The following PAPPA2 variants were observed in gnomAD, a reference collection of about 807,000 sequenced individuals.
PAPPA2 encodes pappalysin 2, also known as pappalysin-2.
A neutral mutation model predicts 176.4 loss-of-function variants in PAPPA2; 86 were observed. That is an observed-to-expected ratio of 0.49 (90% confidence interval 0.41 to 0.58). The LOEUF (loss-of-function observed/expected upper bound fraction) is 0.58, where lower values mean the gene tolerates loss of function less well. Among genes scored for constraint, PAPPA2 ranks in the 20% least tolerant of loss-of-function variants. The pLI, the probability that PAPPA2 is intolerant of heterozygous loss-of-function variation, is 0.00. For missense variants in PAPPA2, 2,073 were observed against 2,256.9 expected, an observed-to-expected ratio of 0.92 and a Z score of 1.65; for synonymous variants, 809 against 852.2, an observed-to-expected ratio of 0.95 and a Z score of 0.88.
At chr1:176,781,365 C>CTTTTTTTTTTT (rs35029858) in intron 17 of PAPPA2, among the ~76,000 whole-genome samples, 17 of 46,240 alleles carry the variant, frequency 3.7e-4, no homozygotes, top group East Asian at 9.0e-4. Context: ...TTGTAAGGGG[C>CTTTTTTTTTTT]TTTTTTTTTT....
Position 176,804,794 on chromosome 1 carries a change from C to T in PAPPA2, c.5202+4662C>T, listed in dbSNP as rs148957036. 1.9e-3 allele frequency among the ~76,000 whole-genome samples: 292 copies of T among 152,236 alleles called. 2 individuals carry two copies. Among genetic ancestry groups the T allele is most frequent in the African/African-American group, 6.8e-3 (281 of 41,560 alleles). Reference sequence around the variant, plus strand: ...TTTGAAATAACTGGGGCTCAGAAAACATTTATTGATTGAAAGTAATTTAAT... The same window carrying T: ...TTTGAAATAACTGGGGCTCAGAAAATATTTATTGATTGAAAGTAATTTAAT... On this transcript the variant is annotated intron_variant, in intron 21 of 22. Transcript: ENST00000367662.
intron 3 of PAPPA2, among the ~76,000 whole-genome samples, chr1:176,597,636 A>G (rs1439044029): frequency 6.6e-6 from 1 of 152,178 alleles, no homozygotes; most frequent in East Asian, 1.9e-4. Context: ...GTACCTATGT[A>G]ACAAACCTGC....
At chr1:176,509,869 C>CA (rs1482687604) in intron 1 of PAPPA2, among the ~76,000 whole-genome samples, 5 of 146,818 alleles carry the variant, frequency 3.4e-5, no homozygotes, top group African/African-American at 7.6e-5. Flanking sequence ...CAAAAAAAAA[C>CA]AACAAAAAAA....
At chr1:176,769,473 A>T in intron 15 of PAPPA2, 134 bp from the exon 16 acceptor site, 1 of 877,178 alleles carries the variant, frequency 1.1e-6, no homozygotes, top group Admixed American at 2.8e-5. Context: ...AGGCCTGAAG[A>T]GGGAGAAAGG....
intron 3 of PAPPA2, among the ~76,000 whole-genome samples, chr1:176,601,813 G>C (rs1654339509): frequency 6.6e-6 from 1 of 152,168 alleles, no homozygotes; most frequent in Non-Finnish European, 1.5e-5. Flanking sequence ...GCAGGCTTCA[G>C]CTTCTTTTTG....
intron 21 of PAPPA2, among the ~76,000 whole-genome samples, chr1:176,832,542 AG>A (rs1341356642): frequency 6.6e-6 from 1 of 152,058 alleles, no homozygotes; most frequent in African/African-American, 2.4e-5. Context: ...TAGTAGAGAC[AG>A]GGTTTCTTCA....
chr1:176,511,369 T>G (rs1359692006), intron 1 of PAPPA2, among the ~76,000 whole-genome samples: 2 of 152,210 alleles, frequency 1.3e-5, no homozygotes, highest in Admixed American at 1.3e-4. Flanking sequence ...TCCAGTTTGG[T>G]GTACTTCTGA....
At chr1:176,702,511 A>G (rs911179934) in intron 8 of PAPPA2, 96 bp from the exon 9 acceptor site, 106 of 1,521,184 alleles carry the variant, frequency 7.0e-5, no homozygotes, top group Admixed American at 2.0e-5. Context: ...TGTTTCCCAT[A>G]ATATTTCCCT....
intron 12 of PAPPA2, among the ~76,000 whole-genome samples, chr1:176,720,986 C>T (rs1297160378): frequency 1.3e-5 from 2 of 152,162 alleles, no homozygotes; most frequent in African/African-American, 2.4e-5. Context: ...CTGTTTGTTC[C>T]ATCTGGGCTC....
At chr1:176,592,940 A>C (rs998917446) in intron 2 of PAPPA2, among the ~76,000 whole-genome samples, 4 of 152,310 alleles carry the variant, frequency 2.6e-5, no homozygotes, top group Admixed American at 2.0e-4. Context: ...CTCTCAATAC[A>C]AAAGTTTGTA....
At chr1:176,819,844 A>G (rs779241745) in intron 21 of PAPPA2, among the ~76,000 whole-genome samples, 1 of 152,210 alleles carries the variant, frequency 6.6e-6, no homozygotes, top group Non-Finnish European at 1.5e-5. Context: ...GTCCAGCTTA[A>G]AGCCTGGAAC....
intron 17 of PAPPA2, among the ~76,000 whole-genome samples, chr1:176,780,242 G>A (rs1278974877): frequency 6.6e-6 from 1 of 152,160 alleles, no homozygotes; most frequent in Non-Finnish European, 1.5e-5. Context: ...AGACTGATCA[G>A]GAACAGAAAT....
chr1:176,600,188 T>C (rs1654229156), intron 3 of PAPPA2, among the ~76,000 whole-genome samples: 1 of 152,216 alleles, frequency 6.6e-6, no homozygotes, highest in Non-Finnish European at 1.5e-5. Context: ...CTGAATTCTC[T>C]GGGTTTAAAT....
chr1:176,753,317 A>G (rs1043562176), intron 14 of PAPPA2, among the ~76,000 whole-genome samples: 7 of 152,050 alleles, frequency 4.6e-5, no homozygotes, highest in African/African-American at 1.7e-4. Context: ...TTTCATCTCT[A>G]TTATCTGTCA....
intron 22 of PAPPA2, among the ~76,000 whole-genome samples, chr1:176,842,100 T>C (rs1170757594): frequency 6.6e-6 from 1 of 152,190 alleles, no homozygotes; most frequent in African/African-American, 2.4e-5. Flanking sequence ...ATAAGAACTT[T>C]ATACTCATTA....
intron 20 of PAPPA2, among the ~76,000 whole-genome samples, chr1:176,794,824 C>A (rs1343729221): frequency 6.6e-6 from 1 of 152,160 alleles, no homozygotes; most frequent in Non-Finnish European, 1.5e-5. Flanking sequence ...TTCAGATGGA[C>A]TTTCTAGGCC....
chr1:176,540,035 TA>T (rs1453033659), intron 1 of PAPPA2, among the ~76,000 whole-genome samples: 2 of 152,218 alleles, frequency 1.3e-5, no homozygotes, highest in African/African-American at 4.8e-5. Flanking sequence ...CCACCTTCTT[TA>T]TTAGCAAGAA....
At chr1:176,655,206 T>G (rs1657963261) in intron 3 of PAPPA2, among the ~76,000 whole-genome samples, 1 of 151,864 alleles carries the variant, frequency 6.6e-6, no homozygotes, top group African/African-American at 2.4e-5. Flanking sequence ...TGGCTGTGGT[T>G]TTGTCATATA....
Position 176,845,434 on chromosome 1 carries a change from C to T in PAPPA2, c.*2980C>T, listed in dbSNP as rs147873208. Reference sequence around the variant, plus strand: ...TACAAGGCATTGAACTTGGCACTTCCTGTATTCTTTGTGATCACTATTGAG... The same window carrying T: ...TACAAGGCATTGAACTTGGCACTTCTTGTATTCTTTGTGATCACTATTGAG... On this transcript the variant is annotated 3_prime_UTR_variant, in exon 23 of 23. Transcript: ENST00000367662. The T allele has an allele frequency of 6.6e-6, 1 of 152,250 alleles. No homozygotes were observed. The highest frequency in any genetic ancestry group is 2.4e-5 in the African/African-American group (1 of 41,554). 9.4% of individuals were successfully genotyped at this position (152,250 alleles called of 1,614,324 possible). A position where few individuals can be genotyped will look rare whatever the true frequency, so the allele number is the denominator to read the frequency against.
Sources: gnomAD v4.1 joint callset for allele counts (sites outside exome capture counted in the v4.1 genomes callset) on GRCh38, gnomAD v4.1.1 for gene constraint, MANE v1.5 for transcripts, NCBI Gene and HGNC (gene_info 2026-07-23, HGNC 2026-07-21) for gene names.